The following SGK1 variants were observed in gnomAD, a reference collection of about 807,000 sequenced individuals.
The protein encoded by SGK1 is serine/threonine-protein kinase Sgk1.
SGK1 carries 26 observed loss-of-function variants against 64.2 expected under a neutral mutation model. The observed-to-expected ratio is 0.40, with a 90% CI of 0.30 to 0.56. The LOEUF is 0.56. Among genes scored for constraint, SGK1 ranks in the 20% least tolerant of loss-of-function variants. The pLI is 0.38. For missense variants in SGK1, 519 were observed against 645.6 expected (o/e 0.80, Z 2.12); for synonymous variants, 265 against 239.7 (o/e 1.11, Z -0.98).
intron 1 of SGK1, among the ~76,000 whole-genome samples, chr6:134,288,833 CCAGGAAATGTCCATAAG>C (rs1718952493): frequency 6.6e-6 from 1 of 152,184 alleles, no homozygotes; most frequent in African/African-American, 2.4e-5. Flanking sequence ...GAAACCAACA[CCAGGAAATGTCCATAAG>C]CAGGAAACCA....
At chr6:134,305,779 T>C (rs905518542) in intron 1 of SGK1, among the ~76,000 whole-genome samples, 3 of 151,982 alleles carry the variant, frequency 2.0e-5, no homozygotes, top group Non-Finnish European at 4.4e-5. Context: ...CCCAAAGTGC[T>C]GGAATTACAG....
At chr6:134,299,845 T>G (rs944487360) in intron 1 of SGK1, among the ~76,000 whole-genome samples, 1 of 147,586 alleles carries the variant, frequency 6.8e-6, no homozygotes, top group African/African-American at 2.5e-5. Flanking sequence ...AGTCGGATAA[T>G]GAAATTTAAA....
chr6:134,287,948 GTTA>G (rs1375048292), intron 1 of SGK1, among the ~76,000 whole-genome samples: 1 of 152,102 alleles, frequency 6.6e-6, no homozygotes, highest in African/African-American at 2.4e-5. Context: ...TTTCATGTTT[GTTA>G]TTTTGTCTTA....
At chr6:134,228,435 G>T (rs1270491812) in intron 2 of SGK1, among the ~76,000 whole-genome samples, 1 of 152,132 alleles carries the variant, frequency 6.6e-6, no homozygotes, top group Non-Finnish European at 1.5e-5. Flanking sequence ...TTGAAAAAAG[G>T]TAAGAGGGGC....
At chr6:134,246,240 C>A (rs973652803) in intron 2 of SGK1, among the ~76,000 whole-genome samples, 1 of 151,948 alleles carries the variant, frequency 6.6e-6, no homozygotes, top group South Asian at 2.1e-4. Context: ...CCTCTGCCTC[C>A]CAGGTTCAAG....
At chr6:134,264,911 G>C (rs1776827823) in intron 1 of SGK1, among the ~76,000 whole-genome samples, 1 of 152,162 alleles carries the variant, frequency 6.6e-6, no homozygotes, top group Non-Finnish European at 1.5e-5. Context: ...GCTTCCCAAA[G>C]TGTTGGGATT....
chr6:134,200,645 T>A (rs1191264851), intron 3 of SGK1, among the ~76,000 whole-genome samples: 2 of 152,226 alleles, frequency 1.3e-5, no homozygotes, highest in African/African-American at 4.8e-5. Flanking sequence ...GGCTCACACC[T>A]GTAATCCAAG....
At chr6:134,180,871 C>CAAA (rs11345877) in intron 3 of SGK1, among the ~76,000 whole-genome samples, 4 of 127,970 alleles carry the variant, frequency 3.1e-5, no homozygotes, top group Non-Finnish European at 6.7e-5. Context: ...GATCCTATCT[C>CAAA]AAAAAAAAAA....
At chr6:134,258,110 T>TA (rs1562266624) in intron 2 of SGK1, among the ~76,000 whole-genome samples, 1 of 151,936 alleles carries the variant, frequency 6.6e-6, no homozygotes, top group African/African-American at 2.4e-5. Flanking sequence ...ATATAGATTT[T>TA]TTTTTTTTTT....
rs35942047 is a variant in SGK1 at position 134,259,477 on chromosome 6, T to TA, written c.285+2455dup. On this transcript the variant is annotated intron_variant, in intron 2 of 13. Transcript: ENST00000367858. ...CAACATGGTGAAACCCCATCTCTAC[T>TA]AAAAAAAAAAAAAAAAATTACCCGG... is the stretch of plus-strand genomic sequence containing the variant. 2.1e-3 allele frequency among the ~76,000 whole-genome samples: 288 copies of TA among 135,568 alleles called. 1 individual carries two copies. The highest frequency in any genetic ancestry group is 7.8e-3 in the Middle Eastern group (2 of 258). 88.9% of individuals were successfully genotyped at this position (135,568 alleles called of 152,430 possible).
intron 1 of SGK1, among the ~76,000 whole-genome samples, chr6:134,281,386 G>GAGT (rs1457773945): frequency 2.0e-5 from 3 of 152,142 alleles, no homozygotes; most frequent in Non-Finnish European, 2.9e-5. Flanking sequence ...TGGTAAGGAT[G>GAGT]AGTAGGTGGT....
In SGK1 at chr6:134,317,386, C is replaced by T; in HGVS notation, c.69+6G>A. 6.4e-7 allele frequency: 1 copy of T among 1,569,300 alleles called. No individual in the cohort carries two copies. The highest frequency in any genetic ancestry group is 8.8e-7 in the Non-Finnish European group (1 of 1,139,138). On this transcript the variant is annotated splice_donor_region_variant and intron_variant, in intron 1 of 13. Coordinates refer to ENST00000367858, the MANE Select transcript of SGK1 (RefSeq NM_001143676.3). ...AACAAAAGAAATAAGCAAAACCTGT[C>T]CTTACCCGCTTCTTAAAAAATTGGA...
intron 1 of SGK1, among the ~76,000 whole-genome samples, chr6:134,269,904 T>C (rs895370959): frequency 6.8e-6 from 1 of 147,616 alleles, no homozygotes; most frequent in Non-Finnish European, 1.5e-5. Flanking sequence ...GTCATCATCA[T>C]GTATCTGTCT....
Position 134,171,031 on chromosome 6 carries a change from C to A in SGK1, c.1315G>T (p.Asp439Tyr), listed in dbSNP as rs1312697419. 1 of 1,614,112 alleles carries A rather than the reference C, an allele frequency of 6.2e-7. No homozygotes were observed. Among genetic ancestry groups the A allele is most frequent in the East Asian group, 2.2e-5 (1 of 44,874 alleles). Residue 439 changes from aspartate (D) to tyrosine (Y), a missense_variant, in exon 12 of 14, where the codon GAT becomes TAT. Physicochemically the swap from Asp to Tyr is radical, Grantham distance 160. This residue lies in a region of SGK1 where 278 missense variants were observed against 408.7 expected (regional missense o/e 0.68). Transcript: ENST00000367858. ...AGGAAAACATCACTCACGAAGTCAT[C>A]CTTGGCCCCGAGCCGCTTTGTCCTG... ...KDRTKRLGAKDDFMEIKSHVF... is the reference protein window; with the variant it reads ...KDRTKRLGAKYDFMEIKSHVF...
At chr6:134,264,649 G>T (rs9376022) in intron 1 of SGK1, among the ~76,000 whole-genome samples, 49,763 of 151,026 alleles carry the variant, frequency 0.33, 8,849 homozygotes, top group East Asian at 0.47. Context: ...TATTATTTTT[G>T]TTGTTGTTGT....
intron 1 of SGK1, among the ~76,000 whole-genome samples, chr6:134,284,915 A>AT (rs1296109801): frequency 1.3e-5 from 2 of 151,940 alleles, no homozygotes; most frequent in Admixed American, 6.6e-5. Flanking sequence ...TATATATCAC[A>AT]TTTTTTTTAT....
intron 1 of SGK1, among the ~76,000 whole-genome samples, chr6:134,273,415 C>T (rs922193668): frequency 1.4e-5 from 2 of 146,408 alleles, no homozygotes; most frequent in South Asian, 4.5e-4. Context: ...ACGGTGAAAC[C>T]CCGTCTCTAC....
intron 1 of SGK1, among the ~76,000 whole-genome samples, chr6:134,282,222 G>A (rs892156004): frequency 2.0e-5 from 3 of 152,062 alleles, no homozygotes; most frequent in Admixed American, 6.6e-5. Flanking sequence ...TGTCACTCAA[G>A]CTGGAGTGCA....
chr6:134,191,133 G>A (rs1258746859), intron 3 of SGK1, among the ~76,000 whole-genome samples: 1 of 152,162 alleles, frequency 6.6e-6, no homozygotes, highest in Non-Finnish European at 1.5e-5. Context: ...GTGTTTATGT[G>A]TATAAAGGAC....
Sources: gnomAD v4.1 joint callset for allele counts (sites outside exome capture counted in the v4.1 genomes callset) on GRCh38, gnomAD v4.1.1 for gene constraint, gnomAD v4.1.1 regional missense constraint, MANE v1.5 for transcripts, NCBI Gene and HGNC (gene_info 2026-07-23, HGNC 2026-07-21) for gene names.